The following GRM8 variants were observed in gnomAD, a reference collection of about 807,000 sequenced individuals.
The protein encoded by GRM8 is metabotropic glutamate receptor 8.
Under a neutral mutation model 87.2 loss-of-function variants are expected in GRM8, and 47 were observed. The observed-to-expected ratio is 0.54, with a 90% CI of 0.43 to 0.69. The LOEUF (loss-of-function observed/expected upper bound fraction) is 0.69. Ranked by LOEUF, GRM8 falls within the 30% of genes least tolerant of loss-of-function variation. The pLI is 0.00. For synonymous variants in GRM8, 396 were observed against 404.5 expected (o/e 0.98, Z 0.25); for missense variants, 1,019 against 1,139.2 (o/e 0.89, Z 1.52).
chr7:127,231,877 T>TC (rs1797705985), intron 2 of GRM8, among the ~76,000 whole-genome samples: 2 of 151,700 alleles, frequency 1.3e-5, no homozygotes, highest in Non-Finnish European at 2.9e-5. Flanking sequence ...TTTTTCTTTT[T>TC]TTTTTAAACA....
At chr7:126,761,182 A>G (rs1435417403) in intron 7 of GRM8, among the ~76,000 whole-genome samples, 2 of 152,094 alleles carry the variant, frequency 1.3e-5, no homozygotes, top group African/African-American at 4.8e-5. Flanking sequence ...TGGGTGACAA[A>G]GCGAGACTCT....
At chr7:126,843,152 T>C (rs1254078846) in intron 6 of GRM8, among the ~76,000 whole-genome samples, 1 of 152,230 alleles carries the variant, frequency 6.6e-6, no homozygotes, top group Non-Finnish European at 1.5e-5. Context: ...GTGAGGGTCA[T>C]GACAAATATG....
intron 3 of GRM8, among the ~76,000 whole-genome samples, chr7:126,942,546 T>C (rs1203889803): frequency 6.6e-6 from 1 of 152,210 alleles, no homozygotes; most frequent in African/African-American, 2.4e-5. Flanking sequence ...GGACGTTTGC[T>C]CTGCTCCATG....
At chr7:126,802,296 T>A (rs983859547) in intron 6 of GRM8, among the ~76,000 whole-genome samples, 4 of 152,196 alleles carry the variant, frequency 2.6e-5, no homozygotes, top group Non-Finnish European at 5.9e-5. Context: ...TACTTCTCCA[T>A]ATCTAACTTT....
At chr7:127,239,101 T>C (rs1448687438) in intron 2 of GRM8, among the ~76,000 whole-genome samples, 1 of 152,152 alleles carries the variant, frequency 6.6e-6, no homozygotes, top group Non-Finnish European at 1.5e-5. Context: ...CTGAAGAAAG[T>C]GGTAAATGGG....
intron 9 of GRM8, among the ~76,000 whole-genome samples, chr7:126,479,263 T>C (rs779914091): frequency 2.6e-5 from 4 of 152,082 alleles, no homozygotes; most frequent in Non-Finnish European, 5.9e-5. Context: ...AATTCATGTA[T>C]CCACTTAAAG....
intron 7 of GRM8, among the ~76,000 whole-genome samples, chr7:126,678,736 C>T (rs1002700902): frequency 5.3e-5 from 8 of 152,132 alleles, no homozygotes; most frequent in African/African-American, 1.2e-4. Flanking sequence ...ATCCAGGTTG[C>T]GGTGACAGTT....
intron 7 of GRM8, among the ~76,000 whole-genome samples, chr7:126,616,127 A>G (rs1210076059): frequency 6.6e-6 from 1 of 152,230 alleles, no homozygotes; most frequent in Admixed American, 6.5e-5. Flanking sequence ...ACTTGGAAGT[A>G]AAGCACTCCT....
intron 3 of GRM8, among the ~76,000 whole-genome samples, chr7:127,047,244 T>C (rs187575831): frequency 2.5e-4 from 38 of 152,320 alleles, no homozygotes; most frequent in African/African-American, 8.9e-4. Context: ...AGAAACCATA[T>C]GGCCCACAAA....
At chr7:127,046,808 A>G (rs1389574753) in intron 3 of GRM8, among the ~76,000 whole-genome samples, 7 of 152,142 alleles carry the variant, frequency 4.6e-5, no homozygotes, top group African/African-American at 1.7e-4. Flanking sequence ...ATTACCCAGG[A>G]CTAACAATAT....
intron 2 of GRM8, among the ~76,000 whole-genome samples, chr7:127,175,833 T>A (rs17864964): frequency 1.3e-5 from 2 of 152,110 alleles, no homozygotes; most frequent in East Asian, 3.8e-4. Context: ...AGACCTGTAA[T>A]GCAGAAATTT....
rs531849729 is a variant in GRM8 at position 126,920,376 on chromosome 7, TA to T, written c.728-15694del. Among the ~76,000 whole-genome samples the T allele has an allele frequency of 5.0e-3, 757 of 151,210 alleles. 1 individual carries two copies. The highest frequency in any genetic ancestry group is 0.017 in the Middle Eastern group (5 of 294). On this transcript the variant is annotated intron_variant, in intron 3 of 10. Transcript: ENST00000339582. Reference sequence around the variant, plus strand: ...AAATACCCAACTAAGTTGTCTACTATAAAAAAAAAGAGGGGAAAAGAGGAGA... The same window carrying T: ...AAATACCCAACTAAGTTGTCTACTATAAAAAAAAGAGGGGAAAAGAGGAGA...
At chr7:126,980,748 C>T (rs1276554583) in intron 3 of GRM8, among the ~76,000 whole-genome samples, 1 of 152,186 alleles carries the variant, frequency 6.6e-6, no homozygotes, top group East Asian at 1.9e-4. Flanking sequence ...TTCTTTCATT[C>T]CCAGTGGGCC....
intron 6 of GRM8, among the ~76,000 whole-genome samples, chr7:126,897,872 T>C (rs1801696621): frequency 6.6e-6 from 1 of 152,094 alleles, no homozygotes; most frequent in Non-Finnish European, 1.5e-5. Flanking sequence ...GAAAATTATC[T>C]CAGAAAACTG....
chr7:126,497,867 A>G (rs1460726383), intron 9 of GRM8, among the ~76,000 whole-genome samples: 1 of 151,994 alleles, frequency 6.6e-6, no homozygotes, highest in Non-Finnish European at 1.5e-5. Flanking sequence ...CAGCCATGAA[A>G]GACAAGCATT....
At chr7:126,661,030 G>C (rs1167335408) in intron 7 of GRM8, among the ~76,000 whole-genome samples, 1 of 152,210 alleles carries the variant, frequency 6.6e-6, no homozygotes, top group Admixed American at 6.5e-5. Context: ...GGCATGGAGA[G>C]GAGGTGGGGA....
At chr7:126,548,289 A>G (rs1585020528) in intron 8 of GRM8, among the ~76,000 whole-genome samples, 4 of 151,264 alleles carry the variant, frequency 2.6e-5, no homozygotes, top group Admixed American at 2.0e-4. Flanking sequence ...CATTGTGCAC[A>G]TGTAACCTAG....
intron 6 of GRM8, among the ~76,000 whole-genome samples, chr7:126,774,019 C>CTT (rs1279325608): frequency 6.6e-6 from 1 of 151,916 alleles, no homozygotes; most frequent in Non-Finnish European, 1.5e-5. Flanking sequence ...CATTTTTGTT[C>CTT]TTTTAAAGAG....
chr7:126,496,794 C>T (rs1187674412), intron 9 of GRM8, among the ~76,000 whole-genome samples: 1 of 151,904 alleles, frequency 6.6e-6, no homozygotes, highest in Admixed American at 6.6e-5. Context: ...AGTTAAATCA[C>T]TTGAGTGTTT....
Sources: allele counts gnomAD v4.1 joint callset (sites outside exome capture counted in the v4.1 genomes callset), GRCh38; gene constraint gnomAD v4.1.1; transcripts MANE v1.5; gene names NCBI Gene and HGNC (gene_info 2026-07-23, HGNC 2026-07-21).